The following MRPL42 variants were observed in gnomAD, a reference collection of about 807,000 sequenced individuals.
MRPL42 encodes large ribosomal subunit protein mL42.
MRPL42 carries 17 observed loss-of-function variants against 17.9 expected under a neutral mutation model. The observed-to-expected ratio is 0.95, with a 90% CI of 0.65 to 1.42. MRPL42 has a LOEUF of 1.42. MRPL42 is among the 40% of genes most tolerant of loss of function. The pLI is 0.00. For missense variants in MRPL42, 177 were observed against 175.2 expected (o/e 1.01, Z -0.06); for synonymous variants, 59 against 54.4 (o/e 1.08, Z -0.37).
intron 4 of MRPL42, among the ~76,000 whole-genome samples, chr12:93,480,835 C>T (rs947250404): frequency 3.3e-5 from 5 of 152,062 alleles, no homozygotes; most frequent in Admixed American, 2.0e-4. Flanking sequence ...CCACCGCGCC[C>T]GACAAATAAT....
At chr12:93,471,631 A>T (rs947828765) in intron 2 of MRPL42, among the ~76,000 whole-genome samples, 1 of 152,138 alleles carries the variant, frequency 6.6e-6, no homozygotes, top group African/African-American at 2.4e-5. Flanking sequence ...GAAGCTTTCC[A>T]TCCCTGCTTC....
chr12:93,479,871 C>T (rs796247990), intron 4 of MRPL42, among the ~76,000 whole-genome samples: 42 of 91,200 alleles, frequency 4.6e-4, no homozygotes, highest in African/African-American at 1.5e-3. Flanking sequence ...TTGGTTCTGA[C>T]AGTTTTTTTT....
intron 4 of MRPL42, among the ~76,000 whole-genome samples, chr12:93,481,870 C>G (rs1880482125): frequency 6.6e-6 from 1 of 152,132 alleles, no homozygotes; most frequent in Admixed American, 6.6e-5. Flanking sequence ...TTTCACAGTC[C>G]CTCATGTATC....
At chr12:93,477,110 T>A (rs1880220250) in intron 3 of MRPL42, 93 bp downstream of exon 3, 7 of 907,290 alleles carry the variant, frequency 7.7e-6, no homozygotes, top group Non-Finnish European at 1.2e-5. Flanking sequence ...GATGCTTTCT[T>A]TTCTCATTAT....
At chr12:93,494,700 G>T (rs982968782) in intron 5 of MRPL42, among the ~76,000 whole-genome samples, 3 of 152,158 alleles carry the variant, frequency 2.0e-5, no homozygotes, top group African/African-American at 7.2e-5. Flanking sequence ...CACACAGATG[G>T]TATTTAATGC....
intron 5 of MRPL42, 73 bp downstream of exon 5, chr12:93,487,733 A>G: frequency 7.5e-7 from 1 of 1,331,992 alleles, no homozygotes; most frequent in Non-Finnish European, 1.0e-6. Flanking sequence ...TTGCAATAAC[A>G]AACTTCTGAA....
intron 5 of MRPL42, among the ~76,000 whole-genome samples, chr12:93,497,793 C>A (rs901773760): frequency 2.6e-5 from 4 of 151,584 alleles, no homozygotes; most frequent in Non-Finnish European, 5.9e-5. Context: ...CAAATAATCT[C>A]TCTTCACTGG....
chr12:93,502,624 G>C lies in MRPL42; in HGVS notation c.*1403G>C, dbSNP rs578239657. 1 of 152,044 alleles carries C rather than the reference G, an allele frequency of 6.6e-6. No homozygotes were observed. Among genetic ancestry groups the C allele is most frequent in the African/African-American group, 2.4e-5 (1 of 41,402 alleles). 9.4% of individuals were successfully genotyped at this position (152,044 alleles called of 1,614,324 possible). A position where few individuals can be genotyped will look rare whatever the true frequency, so the allele number is the denominator to read the frequency against. On this transcript the variant is annotated 3_prime_UTR_variant, in exon 6 of 6. Transcript: ENST00000549982. The stretch of plus-strand genomic sequence containing the variant: ...TCATTTGGAAAGATTAAAAAAACAA[G>C]TTTGATTGAACTTGATAAATCAGAA...
At chr12:93,484,994 A>ACG (rs56688429) in intron 4 of MRPL42, among the ~76,000 whole-genome samples, 1 of 23,718 alleles carries the variant, frequency 4.2e-5, no homozygotes, top group Non-Finnish European at 9.7e-5. Flanking sequence ...ATATATATAT[A>ACG]TATATATATA....
chr12:93,470,454 AG>A (rs1468994752), intron 2 of MRPL42: 1 of 1,274,824 alleles, frequency 7.8e-7, no homozygotes, highest in South Asian at 1.3e-5. Context: ...AAACTATGTG[AG>A]CCAACTTTTT....
In MRPL42 at chr12:93,503,989, T is replaced by C. The variant is rs181307630; in HGVS notation, c.*2768T>C. The C allele has an allele frequency of 2.2e-5, 3 of 136,088 alleles. No homozygotes were observed. The highest frequency in any genetic ancestry group is 4.7e-5 in the Non-Finnish European group (3 of 63,856). The allele number at this position is 136,088 out of a possible 1,614,324, so 8.4% of individuals were successfully genotyped here. A position where few individuals can be genotyped will look rare whatever the true frequency, so the allele number is the denominator to read the frequency against. The stretch of plus-strand genomic sequence containing the variant: ...CCATTTTCTTTTTTTATTTTTTTTT[T>C]AAATTTATTTCTTCTTTTTTTTTTC... On this transcript the variant is annotated 3_prime_UTR_variant, in exon 6 of 6. Coordinates refer to ENST00000549982, the MANE Select transcript of MRPL42 (RefSeq NM_014050.4).
intron 4 of MRPL42, 114 bp downstream of exon 4, chr12:93,479,586 T>C: frequency 3.8e-6 from 2 of 522,682 alleles, no homozygotes; most frequent in Non-Finnish European, 6.2e-6. Context: ...TAGATTTTCT[T>C]TTGGCTTTTT....
chr12:93,497,198 G>A (rs980047113), intron 5 of MRPL42, among the ~76,000 whole-genome samples: 5 of 151,834 alleles, frequency 3.3e-5, no homozygotes, highest in Middle Eastern at 3.2e-3. Context: ...ACAAAAAATC[G>A]AGGAGGAAGG....
intron 5 of MRPL42, among the ~76,000 whole-genome samples, chr12:93,499,441 A>G (rs1374117652): frequency 6.6e-6 from 1 of 152,156 alleles, no homozygotes; most frequent in East Asian, 1.9e-4. Context: ...GCCCAGAGAA[A>G]CACCTATTCA....
intron 3 of MRPL42, among the ~76,000 whole-genome samples, chr12:93,478,100 G>C (rs1880269028): frequency 6.6e-6 from 1 of 151,882 alleles, no homozygotes; most frequent in Non-Finnish European, 1.5e-5. Context: ...GGGACTATAG[G>C]TGTGTGCCAC....
At chr12:93,488,999 C>G (rs779616989) in intron 5 of MRPL42, among the ~76,000 whole-genome samples, 24 of 151,956 alleles carry the variant, frequency 1.6e-4, no homozygotes, top group Non-Finnish European at 2.9e-4. Flanking sequence ...CTAGTTTGAA[C>G]AAAACTTTGT....
At chr12:93,490,045 G>C (rs1312244603) in intron 5 of MRPL42, among the ~76,000 whole-genome samples, 1 of 152,080 alleles carries the variant, frequency 6.6e-6, no homozygotes, top group East Asian at 1.9e-4. Context: ...ACATTATCCA[G>C]GTATTTGAGT....
rs1301359999 is a variant in MRPL42, at chr12:93,503,207, C to A, written c.*1986C>A. On this transcript the variant is annotated 3_prime_UTR_variant, in exon 6 of 6. Coordinates refer to ENST00000549982, the MANE Select transcript of MRPL42 (RefSeq NM_014050.4). ...TTGTTCAAGCATTATTGGGAAACCA[C>A]CAGAGGGCACTCTCACCCAGGGCTT... The A allele has an allele frequency of 5.3e-5, 8 of 152,126 alleles. No individual in the cohort carries two copies. The South Asian group carries it at 1.7e-3, about 32-fold the overall frequency. 9.4% of individuals were successfully genotyped at this position (152,126 alleles called of 1,614,324 possible).
At chr12:93,471,452 T>C (rs553354472) in intron 2 of MRPL42, among the ~76,000 whole-genome samples, 210 of 152,100 alleles carry the variant, frequency 1.4e-3, no homozygotes, top group Non-Finnish European at 2.2e-3. Flanking sequence ...GTGTGAGCCA[T>C]TGCGCCTGGC....
Sources: allele counts gnomAD v4.1 joint callset (sites outside exome capture counted in the v4.1 genomes callset), GRCh38; gene constraint gnomAD v4.1.1; transcripts MANE v1.5; gene names NCBI Gene and HGNC (gene_info 2026-07-23, HGNC 2026-07-21).